The following CEP290 variants were observed in gnomAD, a reference collection of about 807,000 sequenced individuals.
CEP290 encodes the protein centrosomal protein of 290 kDa.
In CEP290, 317 loss-of-function variants were observed where a neutral mutation model predicts 344.9. The observed-to-expected ratio is 0.92, with a 90% confidence interval of 0.84 to 1.01. CEP290 has a LOEUF of 1.01. Ranked by LOEUF, CEP290 falls within the 50% of genes least tolerant of loss-of-function variation. The pLI, the probability that CEP290 is intolerant of heterozygous loss-of-function variation, is 0.00. For synonymous variants in CEP290, 932 were observed against 895.8 expected, an observed-to-expected ratio of 1.04 and a Z score of -0.72; for missense variants, 2,754 against 2,761.4, an observed-to-expected ratio of 1.00 and a Z score of 0.06.
In CEP290 at chr12:88,087,924, T is replaced by C; in HGVS notation, c.4050A>G (p.Lys1350=). The C allele has an allele frequency of 8.4e-7, 1 of 1,187,168 alleles. No individual in the cohort carries two copies. Among genetic ancestry groups the C allele is most frequent in the Non-Finnish European group, 1.1e-6 (1 of 926,476 alleles). The allele number at this position is 1,187,168 out of a possible 1,614,324, so 73.5% of individuals were successfully genotyped here. A position where few individuals can be genotyped will look rare whatever the true frequency, so the allele number is the denominator to read the frequency against. ...GTTCTTGAAGACGAAGTTCTTCTAT[T>C]TTCATATGCCAGTTGATTACCTAAG... ...GAQKVINWHM[K]IEELRLQELK... is the part of the protein sequence containing the mutation. The change falls in exon 32 of 54, where the codon AAA becomes AAG. Residue 1350 remains lysine, a synonymous_variant. Coordinates refer to ENST00000552810, the MANE Select transcript of CEP290 (RefSeq NM_025114.4).
chr12:88,137,765 C>A (rs916413697), intron 5 of CEP290, among the ~76,000 whole-genome samples: 1 of 152,140 alleles, frequency 6.6e-6, no homozygotes, highest in African/African-American at 2.4e-5. Flanking sequence ...CTTTCAGATT[C>A]CAAATACATG....
intron 43 of CEP290, among the ~76,000 whole-genome samples, chr12:88,070,068 A>C (rs1333172088): frequency 6.6e-6 from 1 of 152,214 alleles, no homozygotes; most frequent in Admixed American, 6.6e-5. Flanking sequence ...GTATCAGAAG[A>C]TATAACTTGG....
chr12:88,127,076 T>G (rs146011532), intron 11 of CEP290, among the ~76,000 whole-genome samples: 2 of 4,646 alleles, frequency 4.3e-4, no homozygotes, highest in African/African-American at 5.4e-4. Flanking sequence ...TGCTAGAAAA[T>G]AGATCAATCA....
In CEP290 at chr12:88,063,978, C is replaced by T; in HGVS notation, c.6270+3G>A. 2.5e-6 allele frequency: 4 copies of T among 1,582,784 alleles called. No homozygotes were observed. Among genetic ancestry groups the T allele is most frequent in the Non-Finnish European group, 3.4e-6 (4 of 1,165,658 alleles). ...ATTTCCTAATAAAAAACATTAAATT[C>T]ACCTTTAATCTTGGCAAATCTTTAT... On this transcript the variant is annotated splice_donor_region_variant and intron_variant, in intron 45 of 53. Coordinates refer to ENST00000552810, the MANE Select transcript of CEP290 (RefSeq NM_025114.4).
Position 88,086,082 on chromosome 12 carries a change from C to A in CEP290, c.4394G>T (p.Arg1465Leu). The stretch of plus-strand genomic sequence containing the variant: ...AGTTGCCCGTGTTTCTAGAATTATT[C>A]GAATGTTCTCCTTAATTTTCCTTAG... ...IALRKIKENI[R>L]IILETRATCK... is the part of the protein sequence containing the mutation. Residue 1465 changes from arginine (R) to leucine (L), a missense_variant, in exon 34 of 54, where the codon CGA becomes CTA. Physicochemically the swap from Arg to Leu is moderately radical, Grantham distance 102. Transcript: ENST00000552810. 1 of 1,612,672 alleles carries A rather than the reference C, an allele frequency of 6.2e-7. No homozygotes were observed. Among genetic ancestry groups the A allele is most frequent in the Non-Finnish European group, 8.5e-7 (1 of 1,179,332 alleles).
intron 31 of CEP290, 55 bp downstream of exon 31, chr12:88,088,977 G>C (rs574714028): frequency 6.9e-6 from 9 of 1,295,678 alleles, no homozygotes; most frequent in Non-Finnish European, 7.3e-6. Flanking sequence ...CTCCAGCCTG[G>C]GAAACAGATC....
chr12:88,139,287 AAG>A, intron 4 of CEP290, 96 bp from the exon 5 acceptor site: 9 of 616,300 alleles, frequency 1.5e-5, no homozygotes, highest in Non-Finnish European at 2.1e-5. Flanking sequence ...ATTCTTTTAA[AAG>A]AGTCCATCAT....
At chr12:88,053,482 T>C (rs569198767) in intron 52 of CEP290, among the ~76,000 whole-genome samples, 170 bp downstream of exon 52, 1 of 149,192 alleles carries the variant, frequency 6.7e-6, no homozygotes, top group Non-Finnish European at 1.5e-5. Context: ...AAGAGAAAAA[T>C]GGGAATATTT....
rs2136725569 is a variant in CEP290 at position 88,059,918 on chromosome 12, GC to G, written c.6624del (p.Arg2208SerfsTer18). ...GTEKIIAENE[R>X]LRKELKKETD... ...CATACTTTTTTAAGTTCTTTACGAA[GC>G]CTTTCATTTTCAGCAATAATTTTTT... On this transcript the variant is annotated frameshift_variant, in exon 48 of 54. Transcript: ENST00000552810. LOFTEE classifies it high-confidence loss of function. The G allele has an allele frequency of 6.9e-6, 11 of 1,592,776 alleles. No individual in the cohort carries two copies. Among genetic ancestry groups the G allele is most frequent in the African/African-American group, 2.7e-5 (2 of 74,040 alleles).
At chr12:88,137,283 G>A (rs1447431856) in intron 5 of CEP290, among the ~76,000 whole-genome samples, 6 of 152,128 alleles carry the variant, frequency 3.9e-5, no homozygotes, top group Non-Finnish European at 7.4e-5. Flanking sequence ...AGCTATGTTC[G>A]GGCATTTGAA....
chr12:88,079,240 A>G lies in CEP290; in HGVS notation c.5227-11T>C. ...TGCCCGACTAAGTGCCTAAAAATTA[A>G]CCAAAAAAAAAATGTAATTTTTAAA... is the stretch of plus-strand genomic sequence containing the variant. On this transcript the variant is annotated splice_polypyrimidine_tract_variant and intron_variant, in intron 38 of 53. Coordinates refer to ENST00000552810, the MANE Select transcript of CEP290 (RefSeq NM_025114.4). The G allele has an allele frequency of 6.3e-7, 1 of 1,576,878 alleles. No homozygotes were observed. Among genetic ancestry groups the G allele is most frequent in the Non-Finnish European group, 8.6e-7 (1 of 1,167,640 alleles).
chr12:88,102,690 CTGAA>C lies in CEP290; in HGVS notation c.2991+144_2991+147del, dbSNP rs1051213493. On this transcript the variant is annotated intron_variant, in intron 26 of 53. Coordinates refer to ENST00000552810, the MANE Select transcript of CEP290 (RefSeq NM_025114.4). The stretch of plus-strand genomic sequence containing the variant: ...TGGGAACAAAATATTTATAACTAAA[CTGAA>C]TGAATAATATGGATAATTATATCTC... The C allele has an allele frequency of 6.8e-6, 4 of 589,972 alleles. No individual in the cohort carries two copies. In the African/African-American group the frequency reaches 7.6e-5, roughly 11 times the overall value. 36.5% of individuals were successfully genotyped at this position (589,972 alleles called of 1,614,324 possible). A position where few individuals can be genotyped will look rare whatever the true frequency, so the allele number is the denominator to read the frequency against.
chr12:88,091,914 C>CTTTG (rs1014654407), intron 29 of CEP290, among the ~76,000 whole-genome samples: 17 of 151,788 alleles, frequency 1.1e-4, no homozygotes, highest in Admixed American at 5.3e-4. Context: ...TTTTGTTTTT[C>CTTTG]TTTGTTTGTT....
Position 88,120,138 on chromosome 12 carries a change from T to A in CEP290, c.1498A>T (p.Asn500Tyr). 1 of 1,549,600 alleles carries A rather than the reference T, an allele frequency of 6.5e-7. No homozygotes were observed. Among genetic ancestry groups the A allele is most frequent in the Non-Finnish European group, 8.7e-7 (1 of 1,146,292 alleles). The change falls in exon 15 of 54, where the codon AAT (asparagine) becomes TAT (tyrosine). Residue 500 changes from asparagine (N) to tyrosine (Y), a missense_variant. Asn to Tyr is a moderately radical substitution (Grantham distance 143). Coordinates refer to ENST00000552810, the MANE Select transcript of CEP290 (RefSeq NM_025114.4). ...ELKISDFLDENEALRERVGLE... is the reference protein window; with the variant it reads ...ELKISDFLDEYEALRERVGLE... ...CCCACACGCTCTCTAAGTGCCTCAT[T>A]TTCATCAAGGAAATCACTGATCTTC...
intron 5 of CEP290, among the ~76,000 whole-genome samples, chr12:88,137,025 T>C (rs963361356): frequency 6.6e-6 from 1 of 152,124 alleles, no homozygotes; most frequent in Non-Finnish European, 1.5e-5. Flanking sequence ...GAATTGACTG[T>C]TAATCATTCT....
intron 2 of CEP290, 55 bp from the exon 3 acceptor site, chr12:88,141,088 A>C: frequency 7.2e-7 from 1 of 1,396,494 alleles, no homozygotes; most frequent in East Asian, 2.5e-5. Flanking sequence ...AGCAAAATAT[A>C]AGAACACTTC....
At chr12:88,080,987 C>CA (rs1179280732) in intron 37 of CEP290, among the ~76,000 whole-genome samples, 1 of 152,072 alleles carries the variant, frequency 6.6e-6, no homozygotes, top group Non-Finnish European at 1.5e-5. Context: ...AGAGAATGAA[C>CA]AAAAAGGCAT....
At chr12:88,101,144 T>A (rs2037842554) in intron 26 of CEP290, among the ~76,000 whole-genome samples, 1 of 151,762 alleles carries the variant, frequency 6.6e-6, no homozygotes, top group African/African-American at 2.4e-5. Context: ...TAATAAAAAA[T>A]AAAACTAAGA....
chr12:88,102,103 CCT>C (rs2037934610), intron 26 of CEP290, among the ~76,000 whole-genome samples: 1 of 152,132 alleles, frequency 6.6e-6, no homozygotes, highest in Non-Finnish European at 1.5e-5. Flanking sequence ...AATCCATAAG[CCT>C]CTATTTCTGA....
Sources: allele counts gnomAD v4.1 joint callset (sites outside exome capture counted in the v4.1 genomes callset), GRCh38; gene constraint gnomAD v4.1.1; transcripts MANE v1.5; gene names NCBI Gene and HGNC (gene_info 2026-07-23, HGNC 2026-07-21).